The following RHOF variants were observed in gnomAD, a reference collection of about 807,000 sequenced individuals.
RHOF encodes the protein ras homolog family member F, filopodia associated.
RHOF carries 21 observed loss-of-function variants against 22.2 expected under a neutral mutation model. That is an observed-to-expected ratio of 0.95 (90% CI 0.67 to 1.36). The LOEUF is 1.36. RHOF is among the 40% of genes most tolerant of loss of function. The probability of loss-of-function intolerance (pLI) is 0.00; values close to 1 mark genes in which losing one functional copy is unlikely to be tolerated. For missense variants in RHOF, 285 were observed against 293.7 expected (o/e 0.97, Z 0.22); for synonymous variants, 135 against 131.2 (o/e 1.03, Z -0.20).
chr12:121,780,670 G>T, intron 4 of RHOF: 1 of 626,646 alleles, frequency 1.6e-6, no homozygotes, highest in Non-Finnish European at 2.7e-6. Context: ...AACAGCGCCT[G>T]CCTCCGAGTC....
At chr12:121,790,954 A>G (rs183981531) in intron 2 of RHOF, among the ~76,000 whole-genome samples, 11 of 151,988 alleles carry the variant, frequency 7.2e-5, no homozygotes, top group Non-Finnish European at 1.2e-4. Flanking sequence ...ACTCACTGCA[A>G]TTTCCGCCTC....
chr12:121,779,617 A>G lies in RHOF; in HGVS notation c.517T>C (p.Cys173Arg). 5.0e-6 allele frequency: 8 copies of G among 1,614,214 alleles called. No individual in the cohort carries two copies. The highest frequency in any genetic ancestry group is 6.8e-6 in the Non-Finnish European group (8 of 1,180,022). The change falls in exon 5 of 5, where the codon TGT (cysteine) becomes CGT (arginine). Residue 173 changes from cysteine (C) to arginine (R), a missense_variant. Transcript: ENST00000267205. ...EQIRAALYLE[C>R]SAKFRENVED... ...ACATTCTCCCGAAACTTGGCGGAAC[A>G]TTCCAGGTAGAGAGCAGCTCGGATC...
At chr12:121,787,578 T>C (rs1473602277) in intron 2 of RHOF, among the ~76,000 whole-genome samples, 1 of 152,140 alleles carries the variant, frequency 6.6e-6, no homozygotes, top group Non-Finnish European at 1.5e-5. Flanking sequence ...ATAAAGATGG[T>C]TAATATCGAC....
Position 121,793,645 on chromosome 12 carries a change from C to G in RHOF, c.-12G>C. ...CCGGGGGCATCCATTGCCCGGAGCC[C>G]GCAGCACTGGCGGCGGCGCGCCGGG... On this transcript the variant is annotated 5_prime_UTR_variant, in exon 1 of 5. Transcript: ENST00000267205. The G allele has an allele frequency of 5.9e-6, 9 of 1,526,154 alleles. No homozygotes were observed. Among genetic ancestry groups the G allele is most frequent in the Non-Finnish European group, 7.9e-6 (9 of 1,143,146 alleles). 94.5% of individuals were successfully genotyped at this position (1,526,154 alleles called of 1,614,324 possible). A position where few individuals can be genotyped will look rare whatever the true frequency, so the allele number is the denominator to read the frequency against.
chr12:121,781,439 C>T, intron 2 of RHOF: 2 of 462,094 alleles, frequency 4.3e-6, no homozygotes, highest in South Asian at 4.5e-5. Context: ...CCACTGCACT[C>T]CAGCCTGGGT....
intron 1 of RHOF, 34 bp downstream of exon 1, chr12:121,793,462 C>G (rs2707067): frequency 6.5e-7 from 1 of 1,537,660 alleles, no homozygotes; most frequent in Non-Finnish European, 8.7e-7. Context: ...AGGGGCGTCC[C>G]TCGCCCCCAC....
rs867692328 is a variant in RHOF, at chr12:121,779,376, G to A, written c.*122C>T. On this transcript the variant is annotated 3_prime_UTR_variant, in exon 5 of 5. Coordinates refer to ENST00000267205, the MANE Select transcript of RHOF (RefSeq NM_019034.3). ...GAGAGAGTTCCAGAATGTTCCAAGA[G>A]TCTAGCCGCAGGCCCCAGACACCAT... The A allele has an allele frequency of 9.6e-7, 1 of 1,046,018 alleles. No homozygotes were observed. Among genetic ancestry groups the A allele is most frequent in the African/African-American group, 1.6e-5 (1 of 62,688 alleles). 64.8% of individuals were successfully genotyped at this position (1,046,018 alleles called of 1,614,324 possible).
intron 2 of RHOF, chr12:121,781,429 C>T (rs947450447): frequency 8.3e-6 from 4 of 479,984 alleles, no homozygotes; most frequent in Admixed American, 3.5e-5. Flanking sequence ...CGTGATCATG[C>T]CACTGCACTC....
chr12:121,784,530 G>C (rs1411148178), intron 2 of RHOF, among the ~76,000 whole-genome samples: 2 of 147,564 alleles, frequency 1.4e-5, no homozygotes, highest in East Asian at 2.0e-4. Context: ...GGGTGACAGA[G>C]CAAGACGTCG....
chr12:121,785,135 C>G lies in RHOF; in HGVS notation c.227-3943G>C, dbSNP rs148636351. On this transcript the variant is annotated intron_variant, in intron 2 of 4. Transcript: ENST00000267205. ...ACTCAGGAGTTCAAGACCAGCCTGGCTTGTTACCGAGCCAGCTACTGACTG... is the reference window on the plus strand; with the variant it reads ...ACTCAGGAGTTCAAGACCAGCCTGGGTTGTTACCGAGCCAGCTACTGACTG... Among the ~76,000 whole-genome samples the G allele has an allele frequency of 4.3e-3, 656 of 152,256 alleles. 6 individuals are homozygous for G. Among genetic ancestry groups the G allele is most frequent in the African/African-American group, 0.015 (621 of 41,530 alleles).
chr12:121,783,654 G>A (rs566538919), intron 2 of RHOF, among the ~76,000 whole-genome samples: 16 of 152,238 alleles, frequency 1.1e-4, no homozygotes, highest in African/African-American at 3.9e-4. Flanking sequence ...AGCTAATTTT[G>A]TATTTTTAGT....
intron 4 of RHOF, 44 bp downstream of exon 4, chr12:121,780,828 C>T (rs1368593715): frequency 6.3e-7 from 1 of 1,589,456 alleles, no homozygotes; most frequent in Non-Finnish European, 8.6e-7. Flanking sequence ...GTCCGGGAGG[C>T]TTCACAGCCA....
At chr12:121,792,602 A>G (rs978397155) in intron 2 of RHOF, among the ~76,000 whole-genome samples, 14 of 152,248 alleles carry the variant, frequency 9.2e-5, no homozygotes, top group Admixed American at 2.0e-4. Context: ...CAGAACCACC[A>G]ACTGCAAGCC....
Position 121,779,524 on chromosome 12 carries a change from T to C in RHOF, c.610A>G (p.Lys204Glu). The change falls in exon 5 of 5, where the codon AAG (lysine) becomes GAG (glutamate). Residue 204 changes from lysine to glutamate, a missense_variant. Coordinates refer to ENST00000267205, the MANE Select transcript of RHOF (RefSeq NM_019034.3). ...CAGAGCAGCAGGCAGAGCCGGCGCTTCTTCTGCCGTTGCGCCTTCTTCAGA... is the reference window on the plus strand; with the variant it reads ...CAGAGCAGCAGGCAGAGCCGGCGCTCCTTCTGCCGTTGCGCCTTCTTCAGA... ...SALKKAQRQKKRRLCLLL is the reference protein window; with the variant it reads ...SALKKAQRQKERRLCLLL 6.2e-7 allele frequency: 1 copy of C among 1,613,144 alleles called. No individual in the cohort carries two copies. The highest frequency in any genetic ancestry group is 8.5e-7 in the Non-Finnish European group (1 of 1,179,996).
chr12:121,782,102 A>G (rs780743523), intron 2 of RHOF: 3 of 152,208 alleles, frequency 2.0e-5, no homozygotes, highest in Non-Finnish European at 4.4e-5. Flanking sequence ...ACCTGTTTGC[A>G]TTGGCCCCTC....
chr12:121,789,314 G>GGAGGAAGT (rs1312613313), intron 2 of RHOF, among the ~76,000 whole-genome samples: 1 of 152,132 alleles, frequency 6.6e-6, no homozygotes, highest in African/African-American at 2.4e-5. Context: ...CTAGGCCTGG[G>GGAGGAAGT]CTCCCCCTAG....
chr12:121,785,894 G>A (rs1170293818), intron 2 of RHOF, among the ~76,000 whole-genome samples: 1 of 149,740 alleles, frequency 6.7e-6, no homozygotes, highest in Non-Finnish European at 1.5e-5. Context: ...TTACAGGTGT[G>A]AGCCACGTGC....
chr12:121,780,218 C>G (rs966292021), intron 4 of RHOF: 2 of 156,008 alleles, frequency 1.3e-5, no homozygotes, highest in Non-Finnish European at 2.9e-5. Context: ...CCACCATGCC[C>G]GGCTAATGTT....
Position 121,779,139 on chromosome 12 carries a change from A to G in RHOF, c.*359T>C. 4.3e-6 allele frequency: 1 copy of G among 232,582 alleles called. No individual in the cohort carries two copies. The highest frequency in any genetic ancestry group is 7.1e-5 in the South Asian group (1 of 14,028). 14.4% of individuals were successfully genotyped at this position (232,582 alleles called of 1,614,324 possible). A position where few individuals can be genotyped will look rare whatever the true frequency, so the allele number is the denominator to read the frequency against. Reference sequence around the variant, plus strand: ...CAGGCTTGGGGCGCCCGCGTGGAACAGTGCCAGGTCTACGTTTACCCACTA... The same window carrying G: ...CAGGCTTGGGGCGCCCGCGTGGAACGGTGCCAGGTCTACGTTTACCCACTA... On this transcript the variant is annotated 3_prime_UTR_variant, in exon 5 of 5. Transcript: ENST00000267205.
Sources: allele counts gnomAD v4.1 joint callset (sites outside exome capture counted in the v4.1 genomes callset), GRCh38; gene constraint gnomAD v4.1.1; transcripts MANE v1.5; gene names NCBI Gene and HGNC (gene_info 2026-07-23, HGNC 2026-07-21).